The following ACOT11 variants were observed in gnomAD, a reference collection of about 807,000 sequenced individuals.
ACOT11 encodes the protein acyl-coenzyme A thioesterase 11.
In ACOT11, 69 loss-of-function variants were observed where a neutral mutation model predicts 77.5. The ratio of observed to expected loss-of-function variants is 0.89; its 90% CI spans 0.73 to 1.09. ACOT11 has a LOEUF of 1.09. Ranked by LOEUF, ACOT11 falls within the 50% of genes least tolerant of loss-of-function variation. The probability of loss-of-function intolerance (pLI) is 0.00; values close to 1 mark genes in which losing one functional copy is unlikely to be tolerated. For missense variants in ACOT11, 766 were observed against 813.7 expected (o/e 0.94, Z 0.71); for synonymous variants, 279 against 313.0 (o/e 0.89, Z 1.15).
In ACOT11 at chr1:54,607,311, T is replaced by G; in HGVS notation, c.1502+46T>G. The G allele has an allele frequency of 1.2e-6, 2 of 1,600,528 alleles. No homozygotes were observed. Among genetic ancestry groups the G allele is most frequent in the Non-Finnish European group, 1.7e-6 (2 of 1,169,336 alleles). Reference sequence around the variant, plus strand: ...GGGTGGGGGACACAACTGGACAGGGTGGTAGGGTGGCCGCTTCTCCCTCCC... The same window carrying G: ...GGGTGGGGGACACAACTGGACAGGGGGGTAGGGTGGCCGCTTCTCCCTCCC... On this transcript the variant is annotated intron_variant, in intron 14 of 15. Transcript: ENST00000343744. The surrounding 1 kb of genome is among the most constrained non-coding windows in gnomAD (Gnocchi z 4.5).
rs1557667606 is a variant in ACOT11 at position 54,609,298 on chromosome 1, CT to C, written c.*188del. On this transcript the variant is annotated 3_prime_UTR_variant, in exon 16 of 16. Transcript: ENST00000343744. Reference sequence around the variant, plus strand: ...TTCTACCAACATGAGCCAGCAAGTCCTTGTGGTAGCCCTGGGGTAGCCTGTA... The same window carrying C: ...TTCTACCAACATGAGCCAGCAAGTCCTGTGGTAGCCCTGGGGTAGCCTGTA... 6.2e-7 allele frequency: 1 copy of C among 1,609,536 alleles called. No individual in the cohort carries two copies. Among genetic ancestry groups the C allele is most frequent in the African/African-American group, 1.3e-5 (1 of 75,002 alleles).
intron 1 of ACOT11, among the ~76,000 whole-genome samples, chr1:54,576,091 A>G (rs1654105197): frequency 6.6e-6 from 1 of 151,922 alleles, no homozygotes. Flanking sequence ...TTTTTAAGGG[A>G]ATTTGAAGGA....
At chr1:54,589,317 CT>C (rs397863314) in intron 3 of ACOT11, among the ~76,000 whole-genome samples, 2,225 of 124,354 alleles carry the variant, frequency 0.018, 43 homozygotes, top group East Asian at 0.072. Flanking sequence ...ATGCCTGGCC[CT>C]TTTTTTTTTT....
intron 1 of ACOT11, among the ~76,000 whole-genome samples, chr1:54,580,715 A>G (rs1437343822): frequency 1.3e-5 from 2 of 152,200 alleles, no homozygotes; most frequent in Non-Finnish European, 1.5e-5. Flanking sequence ...CCGTGGAAGC[A>G]TCTGTCTGAT....
chr1:54,617,709 ATTTTTTTTTTTTTTTTTTTTT>A (rs56229276), intron 15 of ACOT11, among the ~76,000 whole-genome samples: 2 of 55,742 alleles, frequency 3.6e-5, no homozygotes, highest in Admixed American at 3.2e-4. Flanking sequence ...AGGGCCTGAG[ATTTTTTTTTTTTTTTTTTTTT>A]TTTTTTTTTT....
chr1:54,636,028 T>C (rs1644328820), exon 17 of ACOT11: 1 of 152,276 alleles, frequency 6.6e-6, no homozygotes, highest in Non-Finnish European at 1.5e-5. Flanking sequence ...CCTGCTGCAA[T>C]TAATTCAGCC....
intron 1 of ACOT11, among the ~76,000 whole-genome samples, chr1:54,569,213 C>T (rs1287091507): frequency 1.3e-5 from 2 of 151,814 alleles, no homozygotes; most frequent in African/African-American, 4.8e-5. Flanking sequence ...CCTCCTGCCT[C>T]AGCCTCCCAA....
intron 16 of ACOT11, among the ~76,000 whole-genome samples, chr1:54,632,427 T>C (rs1644304866): frequency 6.6e-6 from 1 of 152,202 alleles, no homozygotes; most frequent in Admixed American, 6.5e-5. Flanking sequence ...AGGATTACTT[T>C]TAGGAAGGTC....
intron 1 of ACOT11, among the ~76,000 whole-genome samples, chr1:54,562,474 C>G (rs1423631285): frequency 1.3e-5 from 1 of 78,816 alleles, no homozygotes; most frequent in East Asian, 3.5e-4. Context: ...CCGGACGGCA[C>G]GGCTGGCCAG....
In ACOT11 at chr1:54,548,325, G is replaced by A. The variant is rs761253500; in HGVS notation, c.16G>A (p.Gly6Arg). 33 of 1,602,584 alleles carry A rather than the reference G, an allele frequency of 2.1e-5. No homozygotes were observed. Among genetic ancestry groups the A allele is most frequent in the Middle Eastern group, 1.7e-4 (1 of 5,984 alleles). MIQNV[G>R]NHLRRGLASV... ...ACCCGGCGCGATGATCCAGAATGTC[G>A]GAAATCACCTGCGACGGGTATGGAG... The change falls in exon 1 of 16, where the codon GGA becomes AGA. Residue 6 changes from glycine (G) to arginine (R), a missense_variant. Coordinates refer to ENST00000343744, the MANE Select transcript of ACOT11 (RefSeq NM_147161.4).
chr1:54,561,500 T>G (rs1653483962), intron 1 of ACOT11, among the ~76,000 whole-genome samples: 1 of 112,460 alleles, frequency 8.9e-6, no homozygotes, highest in Admixed American at 8.5e-5. Context: ...CCATGTCTAC[T>G]TCTTTCTACA....
intron 15 of ACOT11, among the ~76,000 whole-genome samples, chr1:54,619,260 G>A (rs551960841): frequency 7.2e-5 from 11 of 152,278 alleles, no homozygotes; most frequent in African/African-American, 2.4e-4. Flanking sequence ...ATTATCTACT[G>A]AGCTTCCCAA....
intron 1 of ACOT11, among the ~76,000 whole-genome samples, chr1:54,573,832 C>T (rs938113325): frequency 6.6e-6 from 1 of 152,066 alleles, no homozygotes; most frequent in Non-Finnish European, 1.5e-5. Flanking sequence ...GAGTTTGAGA[C>T]CAGCCTGATG....
intron 15 of ACOT11, among the ~76,000 whole-genome samples, chr1:54,616,541 T>C (rs1270748054): frequency 6.6e-6 from 1 of 152,006 alleles, no homozygotes; most frequent in East Asian, 1.9e-4. Flanking sequence ...GCCTAGCTAA[T>C]TTTTGTATTT....
chr1:54,597,276 T>G lies in ACOT11; in HGVS notation c.625T>G (p.Cys209Gly). 1 of 1,613,022 alleles carries G rather than the reference T, an allele frequency of 6.2e-7. No individual in the cohort carries two copies. Among genetic ancestry groups the G allele is most frequent in the Non-Finnish European group, 8.5e-7 (1 of 1,180,014 alleles). ...CTGGTCAGATCTGGAGAGCAGAGACTGTAGCCGCATGGTGCCGGCTGAGAA... is the reference window on the plus strand; with the variant it reads ...CTGGTCAGATCTGGAGAGCAGAGACGGTAGCCGCATGGTGCCGGCTGAGAA... ...AIQGDLESRD[C>G]SRMVPAEKTR... The change falls in exon 7 of 16, where the codon TGT (cysteine) becomes GGT (glycine). Residue 209 changes from cysteine (C) to glycine (G), a missense_variant. Physicochemically the swap from Cys to Gly is radical, Grantham distance 159. Coordinates refer to ENST00000343744, the MANE Select transcript of ACOT11 (RefSeq NM_147161.4).
At chr1:54,548,594 A>G in intron 1 of ACOT11, 1 of 576,122 alleles carries the variant, frequency 1.7e-6, no homozygotes, top group East Asian at 3.0e-5. Context: ...ACCTTCAGCA[A>G]GTGTCGGCCT....
intron 16 of ACOT11, among the ~76,000 whole-genome samples, chr1:54,631,290 C>T (rs983038980): frequency 6.6e-5 from 10 of 152,094 alleles, no homozygotes; most frequent in Admixed American, 2.6e-4. Flanking sequence ...GAATACACCC[C>T]CCAGATCAAC....
At chr1:54,559,989 T>C (rs568026001) in intron 1 of ACOT11, among the ~76,000 whole-genome samples, 444 of 152,356 alleles carry the variant, frequency 2.9e-3, no homozygotes, top group Non-Finnish European at 4.3e-3. Flanking sequence ...CTGGGTCCTC[T>C]GCCAGCTCCC....
At chr1:54,589,683 C>T (rs184470218) in intron 3 of ACOT11, among the ~76,000 whole-genome samples, 3 of 152,130 alleles carry the variant, frequency 2.0e-5, no homozygotes, top group South Asian at 2.1e-4. Flanking sequence ...GATGAGGTCT[C>T]GCTATGTTGA....
Sources: gnomAD v4.1 joint callset for allele counts (sites outside exome capture counted in the v4.1 genomes callset) on GRCh38, gnomAD v4.1.1 for gene constraint, Gnocchi (gnomAD v3.1) non-coding constraint, MANE v1.5 for transcripts, NCBI Gene and HGNC (gene_info 2026-07-23, HGNC 2026-07-21) for gene names.